Variants in HTATIP2 observed in about 807,000 individuals in gnomAD.
The protein encoded by HTATIP2 is protein HTATIP2.
In HTATIP2, 26 loss-of-function variants were observed where a neutral mutation model predicts 24.7. The ratio of observed to expected loss-of-function variants is 1.05; its 90% CI spans 0.77 to 1.46. The LOEUF (loss-of-function observed/expected upper bound fraction) is 1.46. HTATIP2 is among the 40% of genes most tolerant of loss of function. The pLI is 0.00. For missense variants in HTATIP2, 284 were observed against 289.6 expected (o/e 0.98, Z 0.14); for synonymous variants, 99 against 113.2 (o/e 0.87, Z 0.79).
At chr11:20,367,313 G>A in intron 2 of HTATIP2, 32 bp downstream of exon 2, 1 of 1,613,414 alleles carries the variant, frequency 6.2e-7, no homozygotes, top group East Asian at 2.2e-5. Flanking sequence ...TTCCCTTTTT[G>A]CTGGCCAGTA....
intron 2 of HTATIP2, among the ~76,000 whole-genome samples, chr11:20,373,260 A>G (rs1393906726): frequency 2.0e-5 from 3 of 152,142 alleles, no homozygotes; most frequent in Admixed American, 2.0e-4. Context: ...GAGGCGGGTG[A>G]AAGGAAGGAC....
chr11:20,374,353 A>T (rs1279453717), intron 2 of HTATIP2, among the ~76,000 whole-genome samples: 1 of 152,230 alleles, frequency 6.6e-6, no homozygotes, highest in Non-Finnish European at 1.5e-5. Flanking sequence ...CAAATTTAGC[A>T]GCTTAAGACA....
At chr11:20,369,368 C>T (rs2064746800) in intron 2 of HTATIP2, among the ~76,000 whole-genome samples, 1 of 152,182 alleles carries the variant, frequency 6.6e-6, no homozygotes, top group Non-Finnish European at 1.5e-5. Flanking sequence ...GTCTGTGTTT[C>T]CAGCAGAGAA....
rs1428062351 is a variant in HTATIP2, at chr11:20,364,250, G to A, written c.13G>A (p.Glu5Lys). ...TTATTTCCCCAGCATGGCCGAAACA[G>A]AAGCCCTGTCGAAGCTTCGGGAAGA... MAETEALSKLREDFR... is the reference protein window; with the variant it reads MAETKALSKLREDFR... Residue 5 changes from glutamate (E) to lysine (K), a missense_variant, in exon 1 of 5, where the codon GAA becomes AAA. Physicochemically the swap from Glu to Lys is moderately conservative, Grantham distance 56 (BLOSUM62 1). Transcript: ENST00000451739. 3 of 1,605,138 alleles carry A rather than the reference G, an allele frequency of 1.9e-6. No individual in the cohort carries two copies. The highest frequency in any genetic ancestry group is 2.7e-5 in the African/African-American group (2 of 74,720).
At chr11:20,377,964 T>C (rs749249462) in intron 3 of HTATIP2, among the ~76,000 whole-genome samples, 1 of 152,202 alleles carries the variant, frequency 6.6e-6, no homozygotes, top group Non-Finnish European at 1.5e-5. Flanking sequence ...CATGACTGCA[T>C]CACTTTGCTA....
chr11:20,375,228 A>C (rs1848427803), intron 2 of HTATIP2, among the ~76,000 whole-genome samples: 1 of 152,008 alleles, frequency 6.6e-6, no homozygotes, highest in South Asian at 2.1e-4. Context: ...CGCCCTACCA[A>C]ATAGAACATT....
chr11:20,363,803 G>T lies in HTATIP2; in HGVS notation c.-435G>T. The T allele has an allele frequency of 1.6e-6, 2 of 1,244,698 alleles. No homozygotes were observed. The highest frequency in any genetic ancestry group is 1.0e-6 in the Non-Finnish European group (1 of 989,420). The allele number at this position is 1,244,698 out of a possible 1,614,324, so 77.1% of individuals were successfully genotyped here. A position where few individuals can be genotyped will look rare whatever the true frequency, so the allele number is the denominator to read the frequency against. Reference sequence around the variant, plus strand: ...CCCCCGGTCCGACCAGGGAAGGTGGGATGCTCTGATGGCCGGGCCTGCGGC... The same window carrying T: ...CCCCCGGTCCGACCAGGGAAGGTGGTATGCTCTGATGGCCGGGCCTGCGGC... On this transcript the variant is annotated 5_prime_UTR_variant, in exon 1 of 5. Transcript: ENST00000451739.
intron 2 of HTATIP2, among the ~76,000 whole-genome samples, chr11:20,369,173 T>C (rs1207682011): frequency 1.3e-5 from 2 of 152,142 alleles, no homozygotes; most frequent in Non-Finnish European, 2.9e-5. Flanking sequence ...TAAGTAACGA[T>C]AGTGTTTTAA....
In HTATIP2 at chr11:20,363,819, G is replaced by T. The variant is rs2064659878; in HGVS notation, c.-419G>T. The stretch of plus-strand genomic sequence containing the variant: ...GGAAGGTGGGATGCTCTGATGGCCG[G>T]GCCTGCGGCGCTGAGCGCGGCGGCG... On this transcript the variant is annotated 5_prime_UTR_variant, in exon 1 of 5. Coordinates refer to ENST00000451739, the MANE Select transcript of HTATIP2 (RefSeq NM_001098522.2). 1 of 1,245,918 alleles carries T rather than the reference G, an allele frequency of 8.0e-7. No individual in the cohort carries two copies. The highest frequency in any genetic ancestry group is 1.0e-6 in the Non-Finnish European group (1 of 990,368). 77.2% of individuals were successfully genotyped at this position (1,245,918 alleles called of 1,614,324 possible).
intron 3 of HTATIP2, among the ~76,000 whole-genome samples, chr11:20,380,394 T>G (rs7936865): frequency 6.6e-6 from 1 of 152,118 alleles, no homozygotes; most frequent in African/African-American, 2.4e-5. Context: ...AGAAATGGGC[T>G]GGGCGCGGTG....
Position 20,364,452 on chromosome 11 carries a change from C to A in HTATIP2, c.195+20C>A. 1 of 1,573,140 alleles carries A rather than the reference C, an allele frequency of 6.4e-7. No individual in the cohort carries two copies. ...AATGTGGTGGGTATTTCAGCTGGGA[C>A]TCAAATGGACCCCCAGGATTCTGCG... On this transcript the variant is annotated intron_variant, in intron 1 of 4. Coordinates refer to ENST00000451739, the MANE Select transcript of HTATIP2 (RefSeq NM_001098522.2).
chr11:20,370,609 C>T (rs781056923), intron 2 of HTATIP2, among the ~76,000 whole-genome samples: 7 of 152,184 alleles, frequency 4.6e-5, no homozygotes, highest in Non-Finnish European at 1.0e-4. Flanking sequence ...ATACAGCCTG[C>T]CACCTGTTTT....
At chr11:20,369,879 A>G (rs182153964) in intron 2 of HTATIP2, among the ~76,000 whole-genome samples, 8 of 152,324 alleles carry the variant, frequency 5.3e-5, no homozygotes, top group Admixed American at 1.3e-4. Flanking sequence ...TCAGGTTTCT[A>G]TTGACACTGG....
intron 2 of HTATIP2, 66 bp downstream of exon 2, chr11:20,367,347 C>T (rs2064722341): frequency 6.2e-7 from 1 of 1,609,976 alleles, no homozygotes; most frequent in Admixed American, 1.7e-5. Flanking sequence ...TTTTCTTGCT[C>T]ACTCTTTTTC....
Position 20,364,026 on chromosome 11 carries a change from G to T in HTATIP2, c.-212G>T. ...TTGTGGCACCTGGGCGCACCCTCCA[G>T]CTCGGGCCCCTTCCGATGGGTCTGC... On this transcript the variant is annotated 5_prime_UTR_variant, in exon 1 of 5. Transcript: ENST00000451739. 1 of 1,306,236 alleles carries T rather than the reference G, an allele frequency of 7.7e-7. No individual in the cohort carries two copies. The highest frequency in any genetic ancestry group is 9.7e-7 in the Non-Finnish European group (1 of 1,027,830). The allele number at this position is 1,306,236 out of a possible 1,614,324, so 80.9% of individuals were successfully genotyped here.
chr11:20,375,654 C>T (rs10500879), intron 2 of HTATIP2, among the ~76,000 whole-genome samples: 19,706 of 152,184 alleles, frequency 0.13, 2,062 homozygotes, highest in African/African-American at 0.28. Context: ...TTGTGACTAC[C>T]TATAAAGTTC....
intron 1 of HTATIP2, among the ~76,000 whole-genome samples, chr11:20,365,493 T>A (rs993277351): frequency 6.6e-6 from 1 of 152,208 alleles, no homozygotes; most frequent in African/African-American, 2.4e-5. Flanking sequence ...GAAAGAACAT[T>A]TCAAATAACA....
intron 3 of HTATIP2, among the ~76,000 whole-genome samples, chr11:20,381,643 G>A (rs1018686862): frequency 6.6e-6 from 1 of 152,052 alleles, no homozygotes; most frequent in Non-Finnish European, 1.5e-5. Flanking sequence ...AGCTCCTCAG[G>A]CATTTTGTTT....
At position 20,363,850 on chromosome 11, in the gene HTATIP2, T is replaced by TGCTCTGGCGGCC. The variant is rs1245647626; in HGVS notation, c.-385_-374dup. 8.0e-7 allele frequency: 1 copy of TGCTCTGGCGGCC among 1,243,778 alleles called. No homozygotes were observed. Among genetic ancestry groups the TGCTCTGGCGGCC allele is most frequent in the Non-Finnish European group, 1.0e-6 (1 of 991,172 alleles). 77.0% of individuals were successfully genotyped at this position (1,243,778 alleles called of 1,614,324 possible). A position where few individuals can be genotyped will look rare whatever the true frequency, so the allele number is the denominator to read the frequency against. ...CGGCGCTGAGCGCGGCGGCGGCGGC[T>TGCTCTGGCGGCC]GCTCTGGCGGCCGCCCTGCTCCTGC... is the stretch of plus-strand genomic sequence containing the variant. On this transcript the variant is annotated 5_prime_UTR_variant, in exon 1 of 5. Transcript: ENST00000451739.
Sources: gnomAD v4.1 joint callset for allele counts (sites outside exome capture counted in the v4.1 genomes callset) on GRCh38, gnomAD v4.1.1 for gene constraint, MANE v1.5 for transcripts, NCBI Gene and HGNC (gene_info 2026-07-23, HGNC 2026-07-21) for gene names.